Variants in OPCML observed in about 807,000 individuals in gnomAD.
The protein encoded by OPCML is opioid-binding protein/cell adhesion molecule.
In OPCML, 13 loss-of-function variants were observed where a neutral mutation model predicts 37.8. The ratio of observed to expected loss-of-function variants is 0.34; its 90% CI spans 0.22 to 0.55. The LOEUF is 0.55. OPCML is among the 20% of genes least tolerant of loss of function. OPCML has a pLI of 0.91. For synonymous variants in OPCML, 176 were observed against 168.8 expected, an observed-to-expected ratio of 1.04 and a Z score of -0.33; for missense variants, 341 against 435.6, an observed-to-expected ratio of 0.78 and a Z score of 1.93.
intron 2 of OPCML, chr11:132,772,780 A>G (rs1396187038): frequency 6.6e-6 from 1 of 152,192 alleles, no homozygotes; most frequent in Admixed American, 6.5e-5. Context: ...TGTGAGCTAC[A>G]TCTCAAATGG....
chr11:132,775,861 C>A (rs1946791841), intron 2 of OPCML, among the ~76,000 whole-genome samples: 1 of 152,164 alleles, frequency 6.6e-6, no homozygotes, highest in Non-Finnish European at 1.5e-5. Context: ...AGAATGCTGC[C>A]CCTTAGATAT....
chr11:133,334,177 A>G (rs181023646), intron 1 of OPCML, among the ~76,000 whole-genome samples: 157 of 152,362 alleles, frequency 1.0e-3, no homozygotes, highest in African/African-American at 3.7e-3. Context: ...ATTCTACAAT[A>G]AAGACACATG....
chr11:132,962,476 C>T (rs1254058616), intron 1 of OPCML, among the ~76,000 whole-genome samples: 1 of 152,210 alleles, frequency 6.6e-6, no homozygotes, highest in Non-Finnish European at 1.5e-5. Context: ...GATTTCTACT[C>T]AGAGCTTGAG....
intron 2 of OPCML, among the ~76,000 whole-genome samples, chr11:132,936,967 TGAA>T (rs1383633432): frequency 6.6e-6 from 1 of 152,072 alleles, no homozygotes. Context: ...AGAAAGAAAA[TGAA>T]GAAAAGTTAG....
intron 1 of OPCML, among the ~76,000 whole-genome samples, chr11:133,053,512 T>C (rs886856044): frequency 6.6e-6 from 1 of 152,204 alleles, no homozygotes. Flanking sequence ...TCTGTTCCCA[T>C]TTTGCGATTG....
intron 1 of OPCML, among the ~76,000 whole-genome samples, chr11:133,258,608 G>A (rs989481333): frequency 6.6e-6 from 1 of 152,144 alleles, no homozygotes; most frequent in African/African-American, 2.4e-5. Flanking sequence ...GCCCCACTTA[G>A]AGGTCACAGT....
chr11:133,044,087 G>C (rs113108830), intron 1 of OPCML, among the ~76,000 whole-genome samples: 17 of 152,268 alleles, frequency 1.1e-4, no homozygotes, highest in African/African-American at 4.1e-4. Context: ...GAGAGGATCA[G>C]GAAAGCCTTC....
chr11:132,633,371 C>T (rs1940276938), intron 3 of OPCML, among the ~76,000 whole-genome samples: 1 of 152,008 alleles, frequency 6.6e-6, no homozygotes, highest in Non-Finnish European at 1.5e-5. Context: ...TTTTCCCTGC[C>T]TAAGTTCAGA....
At position 132,693,663 on chromosome 11, in the gene OPCML, T is replaced by C. The variant is rs183294270; in HGVS notation, c.147-36344A>G. Among the ~76,000 whole-genome samples, 1,099 of 152,334 alleles carry C rather than the reference T, an allele frequency of 7.2e-3. 6 individuals carry two copies. The highest frequency in any genetic ancestry group is 0.011 in the Non-Finnish European group (748 of 68,024). On this transcript the variant is annotated intron_variant, in intron 2 of 7. Coordinates refer to ENST00000524381, the MANE Select transcript of OPCML (RefSeq NM_001012393.5). ...GTAAGCAATCAGCTCCAGATTATAA[T>C]TGCCAATTTGAGAAAATTTTACCAA...
intron 1 of OPCML, among the ~76,000 whole-genome samples, chr11:133,458,943 C>T (rs559615804): frequency 4.0e-5 from 6 of 151,344 alleles, no homozygotes; most frequent in Admixed American, 2.0e-4. Context: ...AACATAAATA[C>T]ATTAACAGAA....
chr11:133,488,122 A>G (rs938839933), intron 1 of OPCML, among the ~76,000 whole-genome samples: 2 of 152,196 alleles, frequency 1.3e-5, no homozygotes, highest in Admixed American at 6.5e-5. Context: ...ACCTCAACAT[A>G]ATAAAGGACA....
At chr11:133,261,258 C>T (rs923991369) in intron 1 of OPCML, among the ~76,000 whole-genome samples, 2 of 152,182 alleles carry the variant, frequency 1.3e-5, no homozygotes, top group Admixed American at 6.5e-5. Context: ...AATAAGGAAA[C>T]TTCCTCTTCA....
rs573454295 is a variant in OPCML, at chr11:132,585,421, C to T, written c.380-56235G>A. ...AAAAAAAGAAAAAAAAAACTGGTCT[C>T]TTTTGGGATTTATCTGCTTCCTTAA... On this transcript the variant is annotated intron_variant, in intron 3 of 7. Coordinates refer to ENST00000524381, the MANE Select transcript of OPCML (RefSeq NM_001012393.5). Among the ~76,000 whole-genome samples the T allele has an allele frequency of 5.9e-5, 9 of 152,054 alleles. No individual in the cohort carries two copies. In the South Asian group the frequency reaches 1.9e-3, roughly 32 times the overall value.
chr11:132,790,138 AC>A (rs1299720338), intron 2 of OPCML, among the ~76,000 whole-genome samples: 1 of 152,154 alleles, frequency 6.6e-6, no homozygotes, highest in Non-Finnish European at 1.5e-5. Flanking sequence ...AGACATCTGC[AC>A]CCCCATGTTC....
rs545656665 is a variant in OPCML at position 133,173,496 on chromosome 11, G to A, written c.62-230486C>T. Among the ~76,000 whole-genome samples the A allele has an allele frequency of 8.5e-5, 13 of 152,296 alleles. No individual in the cohort carries two copies. The East Asian group carries it at 2.3e-3, about 27-fold the overall frequency. On this transcript the variant is annotated intron_variant, in intron 1 of 7. Coordinates refer to ENST00000524381, the MANE Select transcript of OPCML (RefSeq NM_001012393.5). This position sits in a 1 kb window ranked among gnomAD's most constrained non-coding sequence, Gnocchi z 7.8. Reference sequence around the variant, plus strand: ...AGATGGATTCCTAGAATCTACAGCAGAGTGTCCCCAACAATCTTTTCTCTA... The same window carrying A: ...AGATGGATTCCTAGAATCTACAGCAAAGTGTCCCCAACAATCTTTTCTCTA...
At chr11:133,472,225 G>A (rs11821237) in intron 1 of OPCML, among the ~76,000 whole-genome samples, 2,234 of 152,214 alleles carry the variant, frequency 0.015, 58 homozygotes, top group African/African-American at 0.051. Context: ...GCCAGAAGCC[G>A]GGCCAAGCCT....
rs561804448 is a variant in OPCML at position 132,725,527 on chromosome 11, A to G, written c.147-68208T>C. On this transcript the variant is annotated intron_variant, in intron 2 of 7. Coordinates refer to ENST00000524381, the MANE Select transcript of OPCML (RefSeq NM_001012393.5). Reference sequence around the variant, plus strand: ...CCATTGTCTTGGGGATTAATATTCGACTCCTTGTTACTTATGCAAATTTCT... The same window carrying G: ...CCATTGTCTTGGGGATTAATATTCGGCTCCTTGTTACTTATGCAAATTTCT... Among the ~76,000 whole-genome samples, 64 of 150,374 alleles carry G rather than the reference A, an allele frequency of 4.3e-4. 1 individual carries two copies. Among genetic ancestry groups the G allele is most frequent in the Non-Finnish European group, 5.0e-4 (34 of 67,566 alleles).
intron 1 of OPCML, among the ~76,000 whole-genome samples, chr11:133,424,071 A>G (rs1239509251): frequency 6.6e-6 from 1 of 152,240 alleles, no homozygotes; most frequent in Non-Finnish European, 1.5e-5. Flanking sequence ...AGCAACACAA[A>G]TGAGCTAACA....
intron 1 of OPCML, among the ~76,000 whole-genome samples, chr11:133,085,473 G>A (rs1008204696): frequency 1.3e-5 from 2 of 152,158 alleles, no homozygotes; most frequent in African/African-American, 4.8e-5. Context: ...GGATCCCTTT[G>A]GTACCCAGCA....
Sources: allele counts gnomAD v4.1 joint callset (sites outside exome capture counted in the v4.1 genomes callset), GRCh38; gene constraint gnomAD v4.1.1; non-coding constraint Gnocchi (gnomAD v3.1); transcripts MANE v1.5; gene names NCBI Gene and HGNC (gene_info 2026-07-23, HGNC 2026-07-21).